UGT1A4: variants seen among roughly 807,000 people sequenced by gnomAD.
UGT1A4 encodes the protein UDP-glucuronosyltransferase 1A4.
In UGT1A4, 32 loss-of-function variants were observed where a neutral mutation model predicts 41.1. The observed-to-expected ratio is 0.78, with a 90% CI of 0.59 to 1.05. The LOEUF (loss-of-function observed/expected upper bound fraction) is 1.05. UGT1A4 is among the 50% of genes least tolerant of loss of function. UGT1A4 has a pLI of 0.00. For missense variants in UGT1A4, 748 were observed against 677.4 expected (o/e 1.10, Z -1.16); for synonymous variants, 283 against 265.1 (o/e 1.07, Z -0.66).
At chr2:233,721,074 A>G (rs2076920580) in intron 1 of UGT1A4, among the ~76,000 whole-genome samples, 1 of 152,036 alleles carries the variant, frequency 6.6e-6, no homozygotes, top group African/African-American at 2.4e-5. Flanking sequence ...AATTTATATG[A>G]ACTTCCATGA....
At chr2:233,739,437 C>G (rs1691099692) in intron 1 of UGT1A4, among the ~76,000 whole-genome samples, 1 of 152,212 alleles carries the variant, frequency 6.6e-6, no homozygotes, top group Non-Finnish European at 1.5e-5. Flanking sequence ...GGGCTTTACC[C>G]TGCAAAGCCA....
intron 1 of UGT1A4, among the ~76,000 whole-genome samples, chr2:233,737,027 C>T (rs2078835915): frequency 6.6e-6 from 1 of 152,230 alleles, no homozygotes; most frequent in South Asian, 2.1e-4. Flanking sequence ...TCTGTCCATT[C>T]TCAGAGCTCA....
At chr2:233,747,178 G>A (rs1378396151) in intron 1 of UGT1A4, 1 of 1,600,996 alleles carries the variant, frequency 6.2e-7, no homozygotes, top group African/African-American at 1.3e-5. Context: ...GGCACAGCGT[G>A]GGGTGGACAG....
At chr2:233,758,825 C>A (rs929060485) in intron 1 of UGT1A4, among the ~76,000 whole-genome samples, 2 of 152,114 alleles carry the variant, frequency 1.3e-5, no homozygotes, top group Admixed American at 6.5e-5. Flanking sequence ...ATATCCCCCC[C>A]AAAAAGAGTG....
intron 1 of UGT1A4, among the ~76,000 whole-genome samples, chr2:233,761,736 C>T (rs111883427): frequency 6.5e-4 from 99 of 152,322 alleles, no homozygotes; most frequent in African/African-American, 2.3e-3. Flanking sequence ...TATTTTTCCC[C>T]TACAGAGTTT....
At chr2:233,728,557 A>T (rs190814480) in intron 1 of UGT1A4, among the ~76,000 whole-genome samples, 41 of 152,308 alleles carry the variant, frequency 2.7e-4, no homozygotes, top group African/African-American at 9.6e-4. Context: ...TGATCCTTAC[A>T]AGAAATATCC....
At chr2:233,730,917 C>G (rs760966477) in intron 1 of UGT1A4, among the ~76,000 whole-genome samples, 3 of 152,138 alleles carry the variant, frequency 2.0e-5, no homozygotes, top group Non-Finnish European at 4.4e-5. Flanking sequence ...ATTTCAGAGG[C>G]AGCTTTCATT....
chr2:233,760,654 C>T (rs1222597079), intron 1 of UGT1A4: 1 of 1,614,218 alleles, frequency 6.2e-7, no homozygotes, highest in Non-Finnish European at 8.5e-7. Context: ...CTCTGCTATG[C>T]TTTTGTCTGG....
intron 1 of UGT1A4, chr2:233,729,228 G>A (rs752170717): frequency 1.9e-6 from 3 of 1,614,046 alleles, no homozygotes; most frequent in South Asian, 1.1e-5. Context: ...TGTTGGTGGT[G>A]CCCATTGATG....
intron 1 of UGT1A4, among the ~76,000 whole-genome samples, chr2:233,744,367 A>T (rs2125862571): frequency 6.6e-6 from 1 of 151,892 alleles, no homozygotes; most frequent in Non-Finnish European, 1.5e-5. Flanking sequence ...GTTGTTTAGG[A>T]CTGCAGTTCT....
At chr2:233,747,538 C>T in intron 1 of UGT1A4, 1 of 1,604,368 alleles carries the variant, frequency 6.2e-7, no homozygotes, top group Non-Finnish European at 8.5e-7. Flanking sequence ...TTTCTGAAGA[C>T]ATTTTCTAAA....
At chr2:233,757,272 A>G (rs1186408915) in intron 1 of UGT1A4, among the ~76,000 whole-genome samples, 15 of 122,852 alleles carry the variant, frequency 1.2e-4, no homozygotes, top group East Asian at 8.4e-4. Context: ...AGCCGATGCA[A>G]TGATTCAGAA....
chr2:233,719,487 A>C lies in UGT1A4; in HGVS notation c.667A>C (p.Ile223Leu), dbSNP rs138822211. The C allele has an allele frequency of 3.9e-4, 633 of 1,613,068 alleles. 2 individuals are homozygous for C. Among genetic ancestry groups the C allele is most frequent in the African/African-American group, 3.8e-3 (282 of 75,012 alleles). The part of the protein sequence containing the change: ...NMLYPLALSY[I>L]CHTFSAPYAS... ...GCTCTACCCTCTGGCCCTGTCCTAC[A>C]TTTGCCATACTTTTTCTGCCCCTTA... The change falls in exon 1 of 5, where the codon ATT becomes CTT. Residue 223 changes from isoleucine to leucine, a missense_variant. Ile to Leu is a conservative substitution (Grantham distance 5, BLOSUM62 2). Coordinates refer to ENST00000373409, the MANE Select transcript of UGT1A4 (RefSeq NM_007120.3).
Position 233,772,653 on chromosome 2 carries a change from T to C in UGT1A4, c.*94T>C. The C allele has an allele frequency of 1.3e-6, 2 of 1,546,978 alleles. No individual in the cohort carries two copies. The highest frequency in any genetic ancestry group is 1.7e-6 in the Non-Finnish European group (2 of 1,146,404). On this transcript the variant is annotated 3_prime_UTR_variant, in exon 5 of 5. Transcript: ENST00000373409. ...CAGTGTTAAATTCATTTTATTCTTA[T>C]TAAGGAAATACTTTGCATAAATTAA...
intron 1 of UGT1A4, chr2:233,747,471 G>A (rs1218539477): frequency 1.9e-5 from 31 of 1,608,712 alleles, no homozygotes; most frequent in Non-Finnish European, 2.4e-5. Context: ...ATGGACCCAG[G>A]ATGAATTTGA....
intron 1 of UGT1A4, among the ~76,000 whole-genome samples, chr2:233,759,662 G>C (rs1697226515): frequency 1.6e-5 from 2 of 126,634 alleles, no homozygotes; most frequent in South Asian, 2.5e-4. Context: ...CTAAGTTCCT[G>C]CTCATGTGTT....
At position 233,754,728 on chromosome 2, in the gene UGT1A4, C is replaced by CT. The variant is rs1413290062; in HGVS notation, c.868-12305dup. ...GGACTTGAAGCTGCCTGTCCCATCACTACCGTAGGACATGCAGAAGGAAGA... is the reference window on the plus strand; with the variant it reads ...GGACTTGAAGCTGCCTGTCCCATCACTTACCGTAGGACATGCAGAAGGAAGA... On this transcript the variant is annotated intron_variant, in intron 1 of 4. Transcript: ENST00000373409. 1.8e-5 allele frequency: 11 copies of CT among 620,812 alleles called. No individual in the cohort carries two copies. In the African/African-American group the frequency reaches 2.1e-4, roughly 12 times the overall value. 38.5% of individuals were successfully genotyped at this position (620,812 alleles called of 1,614,324 possible). A position where few individuals can be genotyped will look rare whatever the true frequency, so the allele number is the denominator to read the frequency against.
At chr2:233,735,244 A>C (rs1308474685) in intron 1 of UGT1A4, among the ~76,000 whole-genome samples, 1 of 152,060 alleles carries the variant, frequency 6.6e-6, no homozygotes, top group African/African-American at 2.4e-5. Context: ...CTTGTTGTTG[A>C]ATTGCTCCCT....
chr2:233,724,154 G>C (rs1327662182), intron 1 of UGT1A4, among the ~76,000 whole-genome samples: 4 of 77,640 alleles, frequency 5.2e-5, no homozygotes, highest in African/African-American at 1.4e-4. Flanking sequence ...CTGGCCGGGT[G>C]GGGGGGCTGA....
Sources: gnomAD v4.1 joint callset for allele counts (sites outside exome capture counted in the v4.1 genomes callset) on GRCh38, gnomAD v4.1.1 for gene constraint, MANE v1.5 for transcripts, NCBI Gene and HGNC (gene_info 2026-07-23, HGNC 2026-07-21) for gene names.